Variants in TEX10 observed in about 807,000 individuals in gnomAD.
The protein encoded by TEX10 is testis expressed 10, also known as testis-expressed protein 10.
TEX10 carries 24 observed loss-of-function variants against 104.4 expected under a neutral mutation model. The ratio of observed to expected loss-of-function variants is 0.23; its 90% CI spans 0.17 to 0.32. TEX10 has a LOEUF of 0.32. Ranked by LOEUF, TEX10 falls within the 10% of genes least tolerant of loss-of-function variation. The pLI is 1.00. For synonymous variants in TEX10, 396 were observed against 393.4 expected, an observed-to-expected ratio of 1.01 and a Z score of -0.08; for missense variants, 921 against 1,083.9, an observed-to-expected ratio of 0.85 and a Z score of 2.11.
At chr9:100,304,105 A>C (rs1299507448) in intron 13 of TEX10, 4 of 515,912 alleles carry the variant, frequency 7.8e-6, no homozygotes, top group Non-Finnish European at 1.4e-5. Context: ...CAGATGACAC[A>C]GATAAATGGA....
Position 100,347,340 on chromosome 9 carries a change from C to G in TEX10, c.247G>C (p.Asp83His). Residue 83 changes from aspartate to histidine, a missense_variant, in exon 3 of 15, where the codon GAC (aspartate) becomes CAC (histidine). Asp to His is a moderately conservative substitution (Grantham distance 81). This residue lies in a region of TEX10 where 118 missense variants were observed against 111.3 expected (regional missense o/e 1.06). Coordinates refer to ENST00000374902, the MANE Select transcript of TEX10 (RefSeq NM_017746.4). Reference sequence around the variant, plus strand: ...ATAAATGGGTATTGAGACAAAAGGTCTTTAAGTCCAAGAAGAGCACTTTGT... The same window carrying G: ...ATAAATGGGTATTGAGACAAAAGGTGTTTAAGTCCAAGAAGAGCACTTTGT... ...VKQSALLGLK[D>H]LLSQYPFIID... is the part of the protein sequence containing the mutation. 3 of 1,613,444 alleles carry G rather than the reference C, an allele frequency of 1.9e-6. No individual in the cohort carries two copies. The highest frequency in any genetic ancestry group is 2.5e-6 in the Non-Finnish European group (3 of 1,179,708).
rs373552091 is a variant in TEX10, at chr9:100,349,508, A to G, written c.-9-136T>C. The G allele has an allele frequency of 1.2e-5, 7 of 578,736 alleles. No individual in the cohort carries two copies. The South Asian group carries it at 2.5e-4, about 20-fold the overall frequency. 35.9% of individuals were successfully genotyped at this position (578,736 alleles called of 1,614,324 possible). A position where few individuals can be genotyped will look rare whatever the true frequency, so the allele number is the denominator to read the frequency against. Reference sequence around the variant, plus strand: ...AATCTGATTATGCTGAAAGATCAAAATATTAAAAAATGCTGTTAAGAACTA... The same window carrying G: ...AATCTGATTATGCTGAAAGATCAAAGTATTAAAAAATGCTGTTAAGAACTA... On this transcript the variant is annotated intron_variant, in intron 1 of 14. Coordinates refer to ENST00000374902, the MANE Select transcript of TEX10 (RefSeq NM_017746.4).
intron 5 of TEX10, among the ~76,000 whole-genome samples, chr9:100,331,933 A>C (rs1834871648): frequency 6.6e-6 from 1 of 152,226 alleles, no homozygotes; most frequent in African/African-American, 2.4e-5. Context: ...TGTGAGTCTG[A>C]AGATGGTGGA....
At chr9:100,302,357 C>T (rs1394189049) in intron 14 of TEX10, 53 bp from the exon 15 acceptor site, 4 of 1,293,884 alleles carry the variant, frequency 3.1e-6, no homozygotes, top group Non-Finnish European at 4.4e-6. Context: ...CACTATGCTA[C>T]CTGACAGTAT....
chr9:100,342,261 G>C (rs1021067848), intron 4 of TEX10, among the ~76,000 whole-genome samples: 1 of 152,162 alleles, frequency 6.6e-6, no homozygotes, highest in Non-Finnish European at 1.5e-5. Flanking sequence ...CCCCCTCACT[G>C]TTCCTGCCCA....
chr9:100,302,408 G>A, intron 14 of TEX10, 104 bp from the exon 15 acceptor site: 2 of 702,442 alleles, frequency 2.8e-6, no homozygotes, highest in South Asian at 2.2e-5. Flanking sequence ...TTTGGCAACT[G>A]TATCCCCATC....
intron 7 of TEX10, 21 bp downstream of exon 7, chr9:100,329,119 G>T: frequency 6.4e-7 from 1 of 1,570,098 alleles, no homozygotes. Context: ...AAAAAAGAAA[G>T]GAAAAATAAC....
Position 100,328,799 on chromosome 9 carries a change from T to C in TEX10, c.1625+341A>G, listed in dbSNP as rs539608135. Among the ~76,000 whole-genome samples, 8 of 152,324 alleles carry C rather than the reference T, an allele frequency of 5.3e-5. No individual in the cohort carries two copies. The East Asian group carries it at 1.4e-3, about 26-fold the overall frequency. On this transcript the variant is annotated intron_variant, in intron 7 of 14. Transcript: ENST00000374902. ...CTATTGCCCTCACTCTTATCCCATA[T>C]GCCTCAATATGTCACTAATGGCTAG... is the stretch of plus-strand genomic sequence containing the variant.
chr9:100,329,348 A>G (rs10819759), intron 6 of TEX10, 73 bp from the exon 7 acceptor site: 591,882 of 1,537,946 alleles, frequency 0.38, 129,741 homozygotes, highest in East Asian at 0.91. Context: ...CTCTGAATGC[A>G]CCGAAGTACT....
At chr9:100,314,019 T>C (rs9775182) in intron 11 of TEX10, among the ~76,000 whole-genome samples, 90,032 of 151,382 alleles carry the variant, frequency 0.59, 28,058 homozygotes, top group East Asian at 0.89. Flanking sequence ...ATTAGCTCTT[T>C]TTTGTACATT....
intron 4 of TEX10, among the ~76,000 whole-genome samples, chr9:100,343,611 A>C (rs1462619894): frequency 6.6e-6 from 1 of 152,102 alleles, no homozygotes; most frequent in African/African-American, 2.4e-5. Flanking sequence ...AAAAAAAAAA[A>C]AACTACCTGA....
intron 13 of TEX10, 188 bp from the exon 14 acceptor site, chr9:100,304,030 AC>A (rs1834083924): frequency 4.9e-6 from 3 of 606,602 alleles, no homozygotes; most frequent in Admixed American, 5.8e-5. Flanking sequence ...ACCTAGGAAT[AC>A]ATCTAACCAA....
chr9:100,346,879 C>G lies in TEX10; in HGVS notation c.708G>C (p.Gln236His). ...KVLVRLSKFL[Q>H]ALADGSSRLR... ...ACCTACTGGATCCATCTGCCAAGGC[C>G]TGAAGGAATTTACTGAGTCTCACTA... The change falls in exon 3 of 15, where the codon CAG (glutamine) becomes CAC (histidine). Residue 236 changes from glutamine to histidine, a missense_variant. Around this residue, in one of 3 missense-constraint regions of TEX10, gnomAD observed 753 missense variants for 868.4 expected, o/e 0.87. Coordinates refer to ENST00000374902, the MANE Select transcript of TEX10 (RefSeq NM_017746.4). 1 of 1,614,160 alleles carries G rather than the reference C, an allele frequency of 6.2e-7. No homozygotes were observed. The highest frequency in any genetic ancestry group is 1.3e-5 in the African/African-American group (1 of 75,036).
chr9:100,320,193 T>C, intron 11 of TEX10, 72 bp downstream of exon 11: 1 of 1,415,602 alleles, frequency 7.1e-7, no homozygotes, highest in Non-Finnish European at 9.5e-7. Flanking sequence ...AGGCAACTCA[T>C]ATATAGTAAC....
At chr9:100,339,390 C>T (rs1387338113) in intron 5 of TEX10, among the ~76,000 whole-genome samples, 1 of 131,956 alleles carries the variant, frequency 7.6e-6, no homozygotes, top group Non-Finnish European at 1.6e-5. Context: ...ATTTATAAAA[C>T]TGCTTAGGAG....
chr9:100,339,448 T>C (rs1201113442), intron 5 of TEX10, among the ~76,000 whole-genome samples: 1 of 150,636 alleles, frequency 6.6e-6, no homozygotes, highest in Non-Finnish European at 1.5e-5. Context: ...TCACAATACT[T>C]TGTTCTACCC....
At chr9:100,328,924 A>C (rs945873962) in intron 7 of TEX10, among the ~76,000 whole-genome samples, 1 of 152,214 alleles carries the variant, frequency 6.6e-6, no homozygotes, top group African/African-American at 2.4e-5. Flanking sequence ...ATGCATGCCT[A>C]AGCAGTCTTT....
chr9:100,321,775 T>G lies in TEX10; in HGVS notation c.1980-4A>C. On this transcript the variant is annotated splice_region_variant and splice_polypyrimidine_tract_variant and intron_variant, in intron 9 of 14. Transcript: ENST00000374902. ...CTTCCACCCAGAAAATGATGATCTATAAAAAACAAAGGGAGAACTATTACC... is the reference window on the plus strand; with the variant it reads ...CTTCCACCCAGAAAATGATGATCTAGAAAAAACAAAGGGAGAACTATTACC... The G allele has an allele frequency of 6.2e-7, 1 of 1,610,140 alleles. No individual in the cohort carries two copies. Among genetic ancestry groups the G allele is most frequent in the South Asian group, 1.1e-5 (1 of 90,986 alleles).
In TEX10 at chr9:100,326,396, G is replaced by A; in HGVS notation, c.1885C>T (p.Pro629Ser). The A allele has an allele frequency of 6.2e-7, 1 of 1,613,906 alleles. No homozygotes were observed. The highest frequency in any genetic ancestry group is 8.5e-7 in the Non-Finnish European group (1 of 1,179,986). ...CTTAACCGAGAAAGCAAATCAGCCG[G>A]CAGACTGGGTAGGAAATATACAAGC... The part of the protein sequence containing the change: ...VQLVYFLPSL[P>S]ADLLSRLSRC... Residue 629 changes from proline to serine, a missense_variant, in exon 9 of 15, where the codon CCG becomes TCG. Coordinates refer to ENST00000374902, the MANE Select transcript of TEX10 (RefSeq NM_017746.4).
Sources: gnomAD v4.1 joint callset for allele counts (sites outside exome capture counted in the v4.1 genomes callset) on GRCh38, gnomAD v4.1.1 for gene constraint, gnomAD v4.1.1 regional missense constraint, MANE v1.5 for transcripts, NCBI Gene and HGNC (gene_info 2026-07-23, HGNC 2026-07-21) for gene names.